The following POM121 variants were observed in gnomAD, a reference collection of about 807,000 sequenced individuals.
The protein encoded by POM121 is nuclear envelope pore membrane protein POM 121.
POM121 carries 32 observed loss-of-function variants against 81.3 expected under a neutral mutation model. The observed-to-expected ratio is 0.39, with a 90% CI of 0.30 to 0.53. The LOEUF is 0.53. Among genes scored for constraint, POM121 ranks in the 20% least tolerant of loss-of-function variants. The pLI is 0.66. For missense variants in POM121, 1,138 were observed against 1,614.6 expected, an observed-to-expected ratio of 0.70 and a Z score of 5.06; for synonymous variants, 514 against 694.2, an observed-to-expected ratio of 0.74 and a Z score of 4.08.
upstream of POM121, among the ~76,000 whole-genome samples, chr7:72,922,920 T>C (rs13245991): frequency 0.45 from 65,354 of 146,152 alleles, 12,913 homozygotes; most frequent in South Asian, 0.56. Context: ...CACAATAGTT[T>C]AAAGAGCCCC....
intron 8 of POM121, 49 bp downstream of exon 8, chr7:72,940,017 A>G (rs781968803): frequency 4.3e-5 from 69 of 1,586,620 alleles, no homozygotes; most frequent in Middle Eastern, 2.3e-4. Flanking sequence ...AGCTCTCCTA[A>G]GTATTAGGAA....
downstream of POM121, chr7:72,950,363 T>A (rs140642713): frequency 1.4e-4 from 104 of 760,850 alleles, no homozygotes; most frequent in Middle Eastern, 3.9e-4. Context: ...CAAGCCAGAC[T>A]TATGGGTCAG....
At position 72,945,822 on chromosome 7, in the gene POM121, A is replaced by C. The variant is rs1424694613; in HGVS notation, c.3652+114A>C. 13 of 1,469,890 alleles carry C rather than the reference A, an allele frequency of 8.8e-6. No homozygotes were observed. In the East Asian group the frequency reaches 3.2e-4, roughly 37 times the overall value. 91.1% of individuals were successfully genotyped at this position (1,469,890 alleles called of 1,614,324 possible). On this transcript the variant is annotated intron_variant, in intron 12 of 12. Coordinates refer to ENST00000434423, the MANE Select transcript of POM121 (RefSeq NM_001387691.1). ...GAAGATCAGGTTCAGCACAGGAAAG[A>C]CATTTCGGGTTAGGAGTCCAGCACA...
Position 72,925,671 on chromosome 7 carries a change from T to TC in POM121, c.557dup (p.Pro187AlafsTer43), listed in dbSNP as rs781786049. The TC allele has an allele frequency of 6.4e-6, 4 of 628,936 alleles. No homozygotes were observed. The highest frequency in any genetic ancestry group is 6.1e-5 in the South Asian group (1 of 16,294). The allele number at this position is 628,936 out of a possible 1,614,324, so 39.0% of individuals were successfully genotyped here. On this transcript the variant is annotated frameshift_variant, in exon 1 of 13. Transcript: ENST00000434423. LOFTEE classifies it high-confidence loss of function. ...ACCGCCGCGCTCCCCACCGCCGCGC[T>TC]CCCCCCCGCCCTCCCCGCCGACCCA...
At chr7:72,883,020 T>C (rs1339137749) in intron 1 of POM121, among the ~76,000 whole-genome samples, 1 of 152,114 alleles carries the variant, frequency 6.6e-6, no homozygotes, top group Admixed American at 6.6e-5. Flanking sequence ...CTTTAAATGG[T>C]GAAGTCTGTT....
At chr7:72,886,407 C>T (rs1790724072) in intron 1 of POM121, among the ~76,000 whole-genome samples, 1 of 152,168 alleles carries the variant, frequency 6.6e-6, no homozygotes, top group African/African-American at 2.4e-5. Context: ...CTCCTGACCT[C>T]AGGTCACCCA....
intron 1 of POM121, among the ~76,000 whole-genome samples, chr7:72,884,078 TA>T: frequency 6.6e-6 from 1 of 152,288 alleles, no homozygotes; most frequent in Non-Finnish European, 1.5e-5. Context: ...GCGGATTTTT[TA>T]ATTTTTATTA....
At position 72,947,792 on chromosome 7, in the gene POM121, T is replaced by C. The variant is rs1394573829; in HGVS notation, c.*1558T>C. ...ACTAGAGCTCCTTCTGGCCATGTTATATGAAATGTAATTCTTATTTTATAA... is the reference window on the plus strand; with the variant it reads ...ACTAGAGCTCCTTCTGGCCATGTTACATGAAATGTAATTCTTATTTTATAA... On this transcript the variant is annotated 3_prime_UTR_variant, in exon 13 of 13. Coordinates refer to ENST00000434423, the MANE Select transcript of POM121 (RefSeq NM_001387691.1). 2 of 874,106 alleles carry C rather than the reference T, an allele frequency of 2.3e-6. No homozygotes were observed. Among genetic ancestry groups the C allele is most frequent in the African/African-American group, 3.8e-5 (2 of 52,856 alleles). The allele number at this position is 874,106 out of a possible 1,614,324, so 54.1% of individuals were successfully genotyped here. A position where few individuals can be genotyped will look rare whatever the true frequency, so the allele number is the denominator to read the frequency against.
intron 4 of POM121, among the ~76,000 whole-genome samples, chr7:72,914,383 G>A (rs1443422743): frequency 6.9e-5 from 8 of 115,550 alleles, no homozygotes; most frequent in Admixed American, 1.8e-4. Context: ...ACAGAATCCC[G>A]GATGATAATG....
At chr7:72,936,549 T>C (rs1351640532) in intron 5 of POM121, among the ~76,000 whole-genome samples, 1 of 152,186 alleles carries the variant, frequency 6.6e-6, no homozygotes, top group Non-Finnish European at 1.5e-5. Context: ...AGTGGTGGGA[T>C]TACAGGCGTC....
Position 72,946,155 on chromosome 7 carries a change from T to C in POM121, c.3671T>C (p.Phe1224Ser). Residue 1224 changes from phenylalanine to serine, a missense_variant, in exon 13 of 13, where the codon TTT (phenylalanine) becomes TCT (serine). Phe to Ser is a radical substitution (Grantham distance 155, BLOSUM62 -2). This residue lies in a region of POM121 where 336 missense variants were observed against 344.3 expected (regional missense o/e 0.98). Transcript: ENST00000434423. ...TTTCCAGGATCGGCGGCCCTTTCAT[T>C]TTCCATTGGTGCGGGATCCAAGACC... ...VAPFGSAALS[F>S]SIGAGSKTPG... 8.7e-6 allele frequency: 14 copies of C among 1,611,638 alleles called. No homozygotes were observed. Among genetic ancestry groups the C allele is most frequent in the Non-Finnish European group, 1.2e-5 (14 of 1,179,698 alleles).
chr7:72,902,255 CTT>C (rs1210238081), intron 3 of POM121, among the ~76,000 whole-genome samples: 11 of 126,604 alleles, frequency 8.7e-5, no homozygotes, highest in African/African-American at 2.4e-4. Context: ...CTTTTTCTTT[CTT>C]TTTTTTTTTT....
At chr7:72,916,892 G>A (rs1214714372) in intron 4 of POM121, among the ~76,000 whole-genome samples, 1 of 152,158 alleles carries the variant, frequency 6.6e-6, no homozygotes, top group Admixed American at 6.6e-5. Context: ...ATTTATGAGA[G>A]TTTTTAAAAA....
intron 1 of POM121, among the ~76,000 whole-genome samples, chr7:72,888,322 C>A (rs1554490364): frequency 6.6e-6 from 1 of 152,106 alleles, no homozygotes; most frequent in African/African-American, 2.4e-5. Context: ...TTTAGGGAAA[C>A]TGGTATCTCT....
chr7:72,914,986 C>T (rs1280712405), intron 4 of POM121, among the ~76,000 whole-genome samples: 1 of 152,140 alleles, frequency 6.6e-6, no homozygotes. Flanking sequence ...CAGGTGGTAC[C>T]TGTATTATTC....
At chr7:72,945,143 G>A (rs1797542454) in intron 11 of POM121, among the ~76,000 whole-genome samples, 1 of 152,200 alleles carries the variant, frequency 6.6e-6, no homozygotes, top group African/African-American at 2.4e-5. Context: ...GCCAGTCAGG[G>A]CAAGGCCGGG....
chr7:72,881,530 A>C (rs527377718), intron 1 of POM121, among the ~76,000 whole-genome samples: 1 of 151,608 alleles, frequency 6.6e-6, no homozygotes, highest in South Asian at 2.1e-4. Context: ...TTCCAAGAGC[A>C]GCAGAAAATG....
At position 72,945,546 on chromosome 7, in the gene POM121, C is replaced by T. The variant is rs782436715; in HGVS notation, c.3530-40C>T. ...TGCCCGGCTCCTCGCTTGCCTCTGC[C>T]CTCTGCTCACTGGCCAGCTCTCTGT... is the stretch of plus-strand genomic sequence containing the variant. On this transcript the variant is annotated intron_variant, in intron 11 of 12. Transcript: ENST00000434423. 1.6e-5 allele frequency: 26 copies of T among 1,611,932 alleles called. 1 individual carries two copies. The highest frequency in any genetic ancestry group is 2.2e-5 in the Non-Finnish European group (26 of 1,179,170).
chr7:72,925,061 C>T (rs1795222974), upstream of POM121: 3 of 1,355,628 alleles, frequency 2.2e-6, no homozygotes, highest in South Asian at 1.8e-5. Flanking sequence ...CGCGCGATGA[C>T]GCGACGCGCG....
Sources: gnomAD v4.1 joint callset for allele counts (sites outside exome capture counted in the v4.1 genomes callset) on GRCh38, gnomAD v4.1.1 for gene constraint, gnomAD v4.1.1 regional missense constraint, MANE v1.5 for transcripts, NCBI Gene and HGNC (gene_info 2026-07-23, HGNC 2026-07-21) for gene names.